TOX: variants seen among roughly 807,000 people sequenced by gnomAD.
TOX encodes the protein thymocyte selection-associated high mobility group box protein TOX.
A neutral mutation model predicts 53.7 loss-of-function variants in TOX; 11 were observed. The observed-to-expected ratio is 0.20, with a 90% CI of 0.13 to 0.34. The LOEUF is 0.34. TOX is among the 10% of genes least tolerant of loss of function. The pLI, the probability that TOX is intolerant of heterozygous loss-of-function variation, is 1.00. For synonymous variants in TOX, 225 were observed against 245.3 expected (o/e 0.92, Z 0.77); for missense variants, 570 against 664.6 (o/e 0.86, Z 1.56).
At position 59,044,119 on chromosome 8, in the gene TOX, C is replaced by A. The variant is rs188048680; in HGVS notation, c.102+74767G>T. 4.1e-3 allele frequency among the ~76,000 whole-genome samples: 616 copies of A among 151,918 alleles called. 3 individuals are homozygous for A. The highest frequency in any genetic ancestry group is 6.8e-3 in the Non-Finnish European group (461 of 67,976). On this transcript the variant is annotated intron_variant, in intron 1 of 8. Coordinates refer to ENST00000361421, the MANE Select transcript of TOX (RefSeq NM_014729.3). ...ACAGAATTATGCTGGGAGGTTAGCA[C>A]CCATTCCATAATAAAACTGTGAAAT... is the stretch of plus-strand genomic sequence containing the variant.
intron 1 of TOX, among the ~76,000 whole-genome samples, chr8:59,052,731 T>G (rs1307534392): frequency 6.6e-6 from 1 of 152,172 alleles, no homozygotes; most frequent in Non-Finnish European, 1.5e-5. Flanking sequence ...CTCTGTTCAT[T>G]TCTTCTGATA....
chr8:58,979,671 T>C (rs1247196685), intron 1 of TOX, among the ~76,000 whole-genome samples: 1 of 152,220 alleles, frequency 6.6e-6, no homozygotes, highest in East Asian at 1.9e-4. Flanking sequence ...ATATAGATTC[T>C]CATGATGATT....
rs76653530 is a variant in TOX at position 58,968,331 on chromosome 8, T to C, written c.103-8323A>G. On this transcript the variant is annotated intron_variant, in intron 1 of 8. Coordinates refer to ENST00000361421, the MANE Select transcript of TOX (RefSeq NM_014729.3). ...AGGAGCAAAGACTTCGGCTTCTTTG[T>C]AGGAGCCTTCTTTTTCAAATGAATT... Among the ~76,000 whole-genome samples the C allele has an allele frequency of 2.8e-4, 42 of 152,372 alleles. No homozygotes were observed. In the East Asian group the frequency reaches 8.1e-3, roughly 29 times the overall value.
intron 8 of TOX, 62 bp downstream of exon 8, chr8:58,808,056 T>C: frequency 2.6e-6 from 4 of 1,555,230 alleles, no homozygotes; most frequent in Non-Finnish European, 2.6e-6. Context: ...AACGATCAAC[T>C]AGGGACGATA....
Position 58,815,329 on chromosome 8 carries a change from T to C in TOX, c.1392+9A>G, listed in dbSNP as rs1449218634. 1.3e-6 allele frequency: 2 copies of C among 1,583,906 alleles called. No individual in the cohort carries two copies. The highest frequency in any genetic ancestry group is 1.7e-6 in the Non-Finnish European group (2 of 1,164,252). ...GTGCACACTCTAAGTCCAGAGCCAT[T>C]GCACTTACTTGCTGCATGGTGGGTG... On this transcript the variant is annotated intron_variant, in intron 7 of 8. Transcript: ENST00000361421.
chr8:58,935,172 A>T (rs1812322396), intron 3 of TOX, among the ~76,000 whole-genome samples: 2 of 152,206 alleles, frequency 1.3e-5, no homozygotes, highest in Admixed American at 1.3e-4. Flanking sequence ...AATGACATAC[A>T]TTATAATAAT....
At chr8:58,988,554 T>TG (rs1813379970) in intron 1 of TOX, among the ~76,000 whole-genome samples, 1 of 152,220 alleles carries the variant, frequency 6.6e-6, no homozygotes, top group Non-Finnish European at 1.5e-5. Flanking sequence ...ACAAGTCACA[T>TG]TTGTTAATCA....
rs777109304 is a variant in TOX, at chr8:58,851,553, G to A, written c.664C>T (p.His222Tyr). 1 of 1,613,236 alleles carries A rather than the reference G, an allele frequency of 6.2e-7. No individual in the cohort carries two copies. Among genetic ancestry groups the A allele is most frequent in the Admixed American group, 1.7e-5 (1 of 59,960 alleles). ...GAGGTATCATCGCCTTCATCTTCATGCACTGAACTGGATGGTGAAGGAGTT... is the reference window on the plus strand; with the variant it reads ...GAGGTATCATCGCCTTCATCTTCATACACTGAACTGGATGGTGAAGGAGTT... ...SATPSPSSSVHEDEGDDTSKI... is the reference protein window; with the variant it reads ...SATPSPSSSVYEDEGDDTSKI... Residue 222 changes from histidine to tyrosine, a missense_variant, in exon 4 of 9, where the codon CAT (histidine) becomes TAT (tyrosine). Physicochemically the swap from His to Tyr is moderately conservative, Grantham distance 83. Transcript: ENST00000361421. The surrounding 1 kb of genome is among the most constrained non-coding windows in gnomAD (Gnocchi z 4.4).
chr8:59,026,381 T>C (rs1814238790), intron 1 of TOX, among the ~76,000 whole-genome samples: 1 of 151,664 alleles, frequency 6.6e-6, no homozygotes, highest in Non-Finnish European at 1.5e-5. Flanking sequence ...TGGAACTTGG[T>C]GGGCCATGAG....
At chr8:58,939,940 C>G (rs1812408529) in intron 2 of TOX, among the ~76,000 whole-genome samples, 1 of 152,172 alleles carries the variant, frequency 6.6e-6, no homozygotes, top group African/African-American at 2.4e-5. Context: ...CTGCTCAGAT[C>G]ATGGGATGTA....
chr8:58,867,118 G>C (rs1486557565), intron 3 of TOX, among the ~76,000 whole-genome samples: 1 of 152,092 alleles, frequency 6.6e-6, no homozygotes, highest in Non-Finnish European at 1.5e-5. Context: ...ATTTACAAAA[G>C]CTAATAGAAT....
chr8:58,824,036 C>A (rs894259117), intron 6 of TOX, among the ~76,000 whole-genome samples: 6 of 152,136 alleles, frequency 3.9e-5, no homozygotes, highest in African/African-American at 1.4e-4. Flanking sequence ...ATGACCTTAT[C>A]AGAGAGAATG....
At chr8:58,878,931 C>T (rs1401272328) in intron 3 of TOX, among the ~76,000 whole-genome samples, 1 of 151,664 alleles carries the variant, frequency 6.6e-6, no homozygotes, top group African/African-American at 2.4e-5. Flanking sequence ...TGTGGTGGCG[C>T]AAACCTGTAG....
intron 6 of TOX, among the ~76,000 whole-genome samples, chr8:58,823,158 A>G (rs531910754): frequency 3.3e-5 from 5 of 152,320 alleles, no homozygotes; most frequent in African/African-American, 9.6e-5. Flanking sequence ...GCAGAGTTCA[A>G]CGTTATTCTA....
At chr8:59,110,884 C>T (rs1250358274) in intron 1 of TOX, among the ~76,000 whole-genome samples, 1 of 152,106 alleles carries the variant, frequency 6.6e-6, no homozygotes, top group Admixed American at 6.5e-5. Flanking sequence ...TTCCAAAACA[C>T]TTTTATTCCA....
At chr8:59,051,667 T>C (rs149832673) in intron 1 of TOX, among the ~76,000 whole-genome samples, 132 of 152,116 alleles carry the variant, frequency 8.7e-4, no homozygotes, top group African/African-American at 3.1e-3. Flanking sequence ...ATAAAGAAAA[T>C]CTACTCTAAA....
chr8:58,868,367 T>C (rs4737524), intron 3 of TOX, among the ~76,000 whole-genome samples: 56,393 of 152,008 alleles, frequency 0.37, 10,618 homozygotes, highest in South Asian at 0.43. Flanking sequence ...TGATAGAGAA[T>C]CAATAAAAAA....
At chr8:58,869,828 T>C (rs1327458507) in intron 3 of TOX, among the ~76,000 whole-genome samples, 2 of 151,882 alleles carry the variant, frequency 1.3e-5, no homozygotes, top group Non-Finnish European at 2.9e-5. Context: ...AAAAACTATA[T>C]GATCATATCT....
chr8:58,971,971 G>C (rs1055381449), intron 1 of TOX, among the ~76,000 whole-genome samples: 1 of 152,150 alleles, frequency 6.6e-6, no homozygotes, highest in African/African-American at 2.4e-5. Flanking sequence ...GATTACAGGC[G>C]TGAGCCACCA....
Sources: allele counts gnomAD v4.1 joint callset (sites outside exome capture counted in the v4.1 genomes callset), GRCh38; gene constraint gnomAD v4.1.1; non-coding constraint Gnocchi (gnomAD v3.1); transcripts MANE v1.5; gene names NCBI Gene and HGNC (gene_info 2026-07-23, HGNC 2026-07-21).